Variants in BNC2 observed in about 807,000 individuals in gnomAD.
BNC2 encodes basonuclin zinc finger protein 2.
Under a neutral mutation model 76.3 loss-of-function variants are expected in BNC2, and 20 were observed. That is an observed-to-expected ratio of 0.26 (90% CI 0.18 to 0.38). BNC2 has a LOEUF of 0.38. Among genes scored for constraint, BNC2 ranks in the 10% least tolerant of loss-of-function variants. The pLI is 1.00. For missense variants in BNC2, 1,382 were observed against 1,399.8 expected (o/e 0.99, Z 0.20); for synonymous variants, 582 against 514.8 (o/e 1.13, Z -1.77).
At chr9:16,512,688 T>G (rs1822785605) in intron 5 of BNC2, among the ~76,000 whole-genome samples, 1 of 152,214 alleles carries the variant, frequency 6.6e-6, no homozygotes, top group Non-Finnish European at 1.5e-5. Context: ...TTTAAGGGGT[T>G]TCTATAAAAA....
chr9:16,643,214 G>T (rs1222376952), intron 3 of BNC2, among the ~76,000 whole-genome samples: 1 of 151,570 alleles, frequency 6.6e-6, no homozygotes, highest in Non-Finnish European at 1.5e-5. Context: ...GCTGAGGCAG[G>T]AGAATCGCTT....
intron 1 of BNC2, among the ~76,000 whole-genome samples, chr9:16,842,375 C>A (rs1818854607): frequency 1.3e-5 from 2 of 152,092 alleles, no homozygotes; most frequent in African/African-American, 4.8e-5. Flanking sequence ...AGATACCATG[C>A]TAGGAATTTT....
chr9:16,548,958 T>C (rs771302276), intron 5 of BNC2, among the ~76,000 whole-genome samples: 54 of 152,242 alleles, frequency 3.5e-4, no homozygotes, highest in East Asian at 5.8e-4. Context: ...GTGAATTATA[T>C]AGACACTCAC....
At chr9:16,517,237 C>G (rs1222989659) in intron 5 of BNC2, among the ~76,000 whole-genome samples, 1 of 152,182 alleles carries the variant, frequency 6.6e-6, no homozygotes, top group Non-Finnish European at 1.5e-5. Flanking sequence ...GCTGGGCTCA[C>G]AGCTGAGAAA....
intron 5 of BNC2, among the ~76,000 whole-genome samples, chr9:16,551,782 C>G (rs928670744): frequency 6.6e-6 from 1 of 152,158 alleles, no homozygotes; most frequent in Non-Finnish European, 1.5e-5. Context: ...GCAAATAACA[C>G]ATGACACATT....
At chr9:16,520,021 T>C (rs1489498903) in intron 5 of BNC2, among the ~76,000 whole-genome samples, 1 of 152,210 alleles carries the variant, frequency 6.6e-6, no homozygotes, top group Non-Finnish European at 1.5e-5. Flanking sequence ...TTAAGAATCC[T>C]TCTTGAGAAA....
At position 16,685,342 on chromosome 9, in the gene BNC2, T is replaced by G. The variant is rs569955193; in HGVS notation, c.330+42455A>C. Among the ~76,000 whole-genome samples, 8 of 152,358 alleles carry G rather than the reference T, an allele frequency of 5.3e-5. No homozygotes were observed. The East Asian group carries it at 1.3e-3, about 26-fold the overall frequency. On this transcript the variant is annotated intron_variant, in intron 3 of 6. Coordinates refer to ENST00000380672, the MANE Select transcript of BNC2 (RefSeq NM_017637.6). ...ACTTACTACAGTATGTATATATGTC[T>G]TGACTGAACAGACAAATGATCTACA...
At chr9:16,476,105 G>C (rs1170603762) in intron 5 of BNC2, 1 of 152,174 alleles carries the variant, frequency 6.6e-6, no homozygotes, top group African/African-American at 2.4e-5. Context: ...AAAACTGAAA[G>C]GGTTTCCCCC....
Position 16,544,817 on chromosome 9 carries a change from A to G in BNC2, c.669+7713T>C, listed in dbSNP as rs1225305486. On this transcript the variant is annotated intron_variant, in intron 5 of 6. Transcript: ENST00000380672. The stretch of plus-strand genomic sequence containing the variant: ...AGAGTGAGACTCCACCTCAAAAAAA[A>G]AAAAAAAAGAATAAACCATTACTTT... 2.6e-5 allele frequency among the ~76,000 whole-genome samples: 4 copies of G among 152,186 alleles called. No individual in the cohort carries two copies. The East Asian group carries it at 7.7e-4, about 29-fold the overall frequency.
chr9:16,787,611 C>A (rs572100274), intron 1 of BNC2, among the ~76,000 whole-genome samples: 1 of 152,176 alleles, frequency 6.6e-6, no homozygotes, highest in Non-Finnish European at 1.5e-5. Context: ...ATTCTATATC[C>A]GGTACCTTTT....
chr9:16,575,668 G>C (rs1819463273), intron 4 of BNC2, among the ~76,000 whole-genome samples: 1 of 152,144 alleles, frequency 6.6e-6, no homozygotes, highest in Non-Finnish European at 1.5e-5. Context: ...GCAAGTAAAG[G>C]AGAGAGGCAG....
intron 5 of BNC2, among the ~76,000 whole-genome samples, chr9:16,495,890 T>G (rs1164507182): frequency 1.3e-5 from 2 of 150,944 alleles, no homozygotes; most frequent in African/African-American, 5.0e-5. Context: ...ATGTTTTGTT[T>G]TCTTTTTTCT....
At chr9:16,734,489 C>A (rs912787434) in intron 2 of BNC2, among the ~76,000 whole-genome samples, 3 of 152,182 alleles carry the variant, frequency 2.0e-5, no homozygotes, top group African/African-American at 7.2e-5. Context: ...CATGTCACTT[C>A]ATATTTACAA....
At chr9:16,457,935 T>C (rs1249663938) in intron 5 of BNC2, among the ~76,000 whole-genome samples, 1 of 152,118 alleles carries the variant, frequency 6.6e-6, no homozygotes, top group Non-Finnish European at 1.5e-5. Flanking sequence ...CCATCCAACA[T>C]AAAGAGAGAT....
intron 3 of BNC2, among the ~76,000 whole-genome samples, chr9:16,725,213 T>TCACACACA (rs1420165030): frequency 7.7e-5 from 3 of 39,060 alleles, no homozygotes; most frequent in Middle Eastern, 0.013. Flanking sequence ...TAAGTCTCTC[T>TCACACACA]CTCTCACACA....
chr9:16,804,997 G>A (rs1261136930), intron 1 of BNC2, among the ~76,000 whole-genome samples: 1 of 152,120 alleles, frequency 6.6e-6, no homozygotes, highest in African/African-American at 2.4e-5. Flanking sequence ...GGGAGGTGGA[G>A]GTTGCAGTGA....
chr9:16,424,392 C>G (rs1820765455), intron 6 of BNC2, among the ~76,000 whole-genome samples: 3 of 152,034 alleles, frequency 2.0e-5, no homozygotes, highest in Admixed American at 2.0e-4. Context: ...TTGAGACATT[C>G]TGAACTTGGT....
chr9:16,673,461 CACAT>C (rs1822545400), intron 3 of BNC2, among the ~76,000 whole-genome samples: 1 of 151,234 alleles, frequency 6.6e-6, no homozygotes, highest in African/African-American at 2.4e-5. Context: ...CACACACACA[CACAT>C]ACAACTGAGA....
intron 5 of BNC2, among the ~76,000 whole-genome samples, chr9:16,535,857 T>C (rs193179590): frequency 2.0e-5 from 3 of 152,282 alleles, no homozygotes; most frequent in Admixed American, 1.3e-4. Context: ...ACACTTGGAC[T>C]TGCCCTCTCC....
Sources: allele counts gnomAD v4.1 joint callset (sites outside exome capture counted in the v4.1 genomes callset), GRCh38; gene constraint gnomAD v4.1.1; transcripts MANE v1.5; gene names NCBI Gene and HGNC (gene_info 2026-07-23, HGNC 2026-07-21).